Variants in CCDC171 observed in about 807,000 individuals in gnomAD.
CCDC171 encodes coiled-coil domain-containing protein 171.
CCDC171 carries 177 observed loss-of-function variants against 168.2 expected under a neutral mutation model. That is an observed-to-expected ratio of 1.05 (90% CI 0.93 to 1.19). CCDC171 has a LOEUF of 1.19. CCDC171 is among the 50% of genes most tolerant of loss of function. The pLI, the probability that CCDC171 is intolerant of heterozygous loss-of-function variation, is 0.00. For synonymous variants in CCDC171, 687 were observed against 540.8 expected, an observed-to-expected ratio of 1.27 and a Z score of -3.75; for missense variants, 1,991 against 1,539.0, an observed-to-expected ratio of 1.29 and a Z score of -4.91.
chr9:15,859,477 A>G (rs180803944), intron 23 of CCDC171, among the ~76,000 whole-genome samples: 9 of 151,876 alleles, frequency 5.9e-5, no homozygotes, highest in Middle Eastern at 3.4e-3. Context: ...TAATTATTTA[A>G]TTGTTTTATA....
chr9:15,556,072 C>T (rs2038771746), intron 1 of CCDC171, among the ~76,000 whole-genome samples: 1 of 152,152 alleles, frequency 6.6e-6, no homozygotes, highest in Non-Finnish European at 1.5e-5. Flanking sequence ...TTTTCTTAAT[C>T]CAGTCTATCA....
Position 15,709,495 on chromosome 9 carries a change from T to G in CCDC171, c.1319-12274T>G, listed in dbSNP as rs567946896. ...TAATATGGAGTACCAATGAAAAGAT[T>G]GTACGTCTTTCTAAGGCAAAAACTA... On this transcript the variant is annotated intron_variant, in intron 11 of 25. Transcript: ENST00000380701. Among the ~76,000 whole-genome samples, 4 of 152,226 alleles carry G rather than the reference T, an allele frequency of 2.6e-5. No individual in the cohort carries two copies. The East Asian group carries it at 7.7e-4, about 29-fold the overall frequency.
At chr9:15,752,692 T>C (rs1384814169) in intron 18 of CCDC171, among the ~76,000 whole-genome samples, 1 of 152,020 alleles carries the variant, frequency 6.6e-6, no homozygotes, top group Non-Finnish European at 1.5e-5. Context: ...AGTTGAACAG[T>C]GAGAACACAC....
chr9:15,669,223 T>G (rs772946201), intron 9 of CCDC171, among the ~76,000 whole-genome samples: 2 of 152,220 alleles, frequency 1.3e-5, no homozygotes, highest in Non-Finnish European at 2.9e-5. Context: ...ATATATTCCA[T>G]AATTCTATAA....
intron 24 of CCDC171, among the ~76,000 whole-genome samples, chr9:15,888,324 A>G (rs908544844): frequency 6.6e-6 from 1 of 152,190 alleles, no homozygotes; most frequent in East Asian, 1.9e-4. Flanking sequence ...CCTGTTAAAC[A>G]TGTGCCTTCA....
chr9:15,805,177 GTT>G (rs2059015857), intron 21 of CCDC171, among the ~76,000 whole-genome samples: 1 of 151,306 alleles, frequency 6.6e-6, no homozygotes, highest in Non-Finnish European at 1.5e-5. Context: ...GTTTTATTAA[GTT>G]TTTCAAAAAG....
At position 15,919,350 on chromosome 9, in the gene CCDC171, C is replaced by T. The variant is rs567648582; in HGVS notation, c.3601-920C>T. Among the ~76,000 whole-genome samples the T allele has an allele frequency of 1.8e-3, 277 of 151,778 alleles. 2 individuals carry two copies. The highest frequency in any genetic ancestry group is 6.4e-3 in the African/African-American group (265 of 41,506). ...ACATGCATTCACAACTGCTCAAATA[C>T]ATAATTTCTCAAAGCTTTCCTAATT... On this transcript the variant is annotated intron_variant, in intron 24 of 25. Transcript: ENST00000380701.
chr9:15,988,872 G>A, intron 3 of CCDC171, among the ~76,000 whole-genome samples: 1 of 151,982 alleles, frequency 6.6e-6, no homozygotes. Flanking sequence ...GCGGCAGCAG[G>A]GCTGGGGGAG....
chr9:15,767,359 G>A (rs1428332462), intron 18 of CCDC171, among the ~76,000 whole-genome samples: 1 of 152,170 alleles, frequency 6.6e-6, no homozygotes, highest in African/African-American at 2.4e-5. Flanking sequence ...AAAGCCAGCA[G>A]CATCACATCT....
chr9:16,068,380 G>T, the CCDC171 span, among the ~76,000 whole-genome samples: 2 of 152,018 alleles, frequency 1.3e-5, no homozygotes, highest in African/African-American at 4.8e-5. Context: ...TGGCCATACT[G>T]CCCAAGGTAA....
Position 15,744,356 on chromosome 9 carries a change from G to C in CCDC171, c.2133G>C (p.Ser711=). 6.2e-7 allele frequency: 1 copy of C among 1,613,678 alleles called. No homozygotes were observed. The highest frequency in any genetic ancestry group is 8.5e-7 in the Non-Finnish European group (1 of 1,179,720). ...KSHEQLVLEN[S]HFKKLLSQTQ... The stretch of plus-strand genomic sequence containing the variant: ...ATGAACAGTTGGTTCTTGAAAATTC[G>C]CACTTCAAAAAACTGTTATCACAGA... The change falls in exon 17 of 26, where the codon TCG becomes TCC. Residue 711 remains serine, a synonymous_variant. Coordinates refer to ENST00000380701, the MANE Select transcript of CCDC171 (RefSeq NM_173550.4).
chr9:16,006,060 C>G (rs1317337302), intron 3 of CCDC171, among the ~76,000 whole-genome samples: 1 of 152,086 alleles, frequency 6.6e-6, no homozygotes, highest in Non-Finnish European at 1.5e-5. Flanking sequence ...TGGGGTTTCA[C>G]CATTTTGACC....
chr9:16,010,908 C>G (rs1273056074), intron 3 of CCDC171, among the ~76,000 whole-genome samples: 1 of 152,106 alleles, frequency 6.6e-6, no homozygotes, highest in East Asian at 1.9e-4. Flanking sequence ...CCCAGGGATA[C>G]CCACATCTGA....
At chr9:15,745,051 A>G (rs970808880) in intron 17 of CCDC171, among the ~76,000 whole-genome samples, 6 of 152,170 alleles carry the variant, frequency 3.9e-5, no homozygotes, top group African/African-American at 9.7e-5. Flanking sequence ...CTCTGCAGTA[A>G]AGTGGAGAGT....
At chr9:15,629,304 A>T (rs189402324) in intron 7 of CCDC171, among the ~76,000 whole-genome samples, 1 of 152,228 alleles carries the variant, frequency 6.6e-6, no homozygotes, top group Non-Finnish European at 1.5e-5. Context: ...ACGAATGTAT[A>T]GAATAACCAA....
At chr9:15,776,391 A>G (rs1055595441) in intron 18 of CCDC171, 2 of 152,172 alleles carry the variant, frequency 1.3e-5, no homozygotes, top group African/African-American at 4.8e-5. Flanking sequence ...TATGTTTATA[A>G]TGAGTGGCAT....
At chr9:15,837,359 A>T (rs2060496364) in intron 21 of CCDC171, among the ~76,000 whole-genome samples, 1 of 152,214 alleles carries the variant, frequency 6.6e-6, no homozygotes, top group Non-Finnish European at 1.5e-5. Flanking sequence ...AGAAGTGTAA[A>T]TTATACTAAT....
chr9:15,919,126 A>C (rs1468823597), intron 24 of CCDC171, among the ~76,000 whole-genome samples: 3 of 151,670 alleles, frequency 2.0e-5, no homozygotes, highest in African/African-American at 7.2e-5. Flanking sequence ...CCAGGATAGA[A>C]GTTAACACTG....
chr9:15,643,057 G>A (rs898191450), intron 7 of CCDC171, among the ~76,000 whole-genome samples: 1 of 151,248 alleles, frequency 6.6e-6, no homozygotes, highest in African/African-American at 2.4e-5. Context: ...CCCTTTATTT[G>A]CTTTTTTTTT....
Sources: gnomAD v4.1 joint callset for allele counts (sites outside exome capture counted in the v4.1 genomes callset) on GRCh38, gnomAD v4.1.1 for gene constraint, MANE v1.5 for transcripts, NCBI Gene and HGNC (gene_info 2026-07-23, HGNC 2026-07-21) for gene names.